The following TENM2 variants were observed in gnomAD, a reference collection of about 807,000 sequenced individuals.
TENM2 encodes teneurin transmembrane protein 2, also known as teneurin-2.
A neutral mutation model predicts 245.2 loss-of-function variants in TENM2; 52 were observed. That is an observed-to-expected ratio of 0.21 (90% CI 0.17 to 0.27). TENM2 has a LOEUF of 0.27. Ranked by LOEUF, TENM2 falls within the 10% of genes least tolerant of loss-of-function variation. TENM2 has a pLI of 1.00. For synonymous variants in TENM2, 1,363 were observed against 1,438.9 expected (o/e 0.95, Z 1.19); for missense variants, 3,046 against 3,666.8 (o/e 0.83, Z 4.37).
In TENM2 at chr5:168,228,889, AT is replaced by A. The variant is rs908667433; in HGVS notation, c.5520+760del. Among the ~76,000 whole-genome samples, 13 of 148,048 alleles carry A rather than the reference AT, an allele frequency of 8.8e-5. No homozygotes were observed. In the Admixed American group the frequency reaches 8.8e-4, roughly 10 times the overall value. On this transcript the variant is annotated intron_variant, in intron 25 of 28. Coordinates refer to ENST00000518659, the Ensembl canonical transcript of TENM2. ...TATAATTATTATATAATGTAATTTT[AT>A]ATTACATTTTTATATTATAATGTAA...
At chr5:167,976,996 TGAGA>T (rs1411377307) in intron 4 of TENM2, among the ~76,000 whole-genome samples, 1 of 152,128 alleles carries the variant, frequency 6.6e-6, no homozygotes, top group Non-Finnish European at 1.5e-5. Context: ...CCATAAAAAA[TGAGA>T]TCATGTCTTT....
At chr5:167,053,367 G>A in the TENM2 span, among the ~76,000 whole-genome samples, 1,024 of 152,226 alleles carry the variant, frequency 6.7e-3, 16 homozygotes, top group African/African-American at 0.023. Context: ...AAGCACTTGC[G>A]TGATATTGGC....
Position 168,196,481 on chromosome 5 carries a change from G to C in TENM2, c.2900+1186G>C, listed in dbSNP as rs572927315. Among the ~76,000 whole-genome samples the C allele has an allele frequency of 2.0e-5, 3 of 152,260 alleles. No individual in the cohort carries two copies. In the East Asian group the frequency reaches 5.8e-4, roughly 29 times the overall value. On this transcript the variant is annotated intron_variant, in intron 15 of 28. Transcript: ENST00000518659. Reference sequence around the variant, plus strand: ...TTTTTGTTTGTTTGTTTGTTTTTGAGACGGAGTCTCACTCTTCTTGCCCAG... The same window carrying C: ...TTTTTGTTTGTTTGTTTGTTTTTGACACGGAGTCTCACTCTTCTTGCCCAG...
chr5:167,924,143 C>T (rs771326620), intron 3 of TENM2, among the ~76,000 whole-genome samples: 12 of 152,182 alleles, frequency 7.9e-5, no homozygotes, highest in Non-Finnish European at 1.5e-4. Context: ...GATCTGGTTG[C>T]ATCGTCTCCC....
intron 2 of TENM2, among the ~76,000 whole-genome samples, chr5:167,470,672 T>C (rs781761239): frequency 1.3e-5 from 2 of 152,004 alleles, no homozygotes; most frequent in Non-Finnish European, 2.9e-5. Context: ...GTTCCTCCTC[T>C]ACTCAATGAT....
At chr5:167,824,597 A>C (rs1404416962) in intron 2 of TENM2, among the ~76,000 whole-genome samples, 2 of 152,172 alleles carry the variant, frequency 1.3e-5, no homozygotes, top group Non-Finnish European at 2.9e-5. Flanking sequence ...TAAAGCTGGC[A>C]CCCAAGGCAT....
At chr5:167,781,200 A>C (rs1229197189) in intron 2 of TENM2, among the ~76,000 whole-genome samples, 1 of 152,088 alleles carries the variant, frequency 6.6e-6, no homozygotes, top group Non-Finnish European at 1.5e-5. Flanking sequence ...AGTTACAGCT[A>C]CTTGGGAGGC....
At chr5:167,619,645 A>G (rs754817287) in intron 2 of TENM2, among the ~76,000 whole-genome samples, 15 of 152,180 alleles carry the variant, frequency 9.9e-5, no homozygotes, top group African/African-American at 3.6e-4. Context: ...TAAATTGTGC[A>G]TTAAAGTGCT....
At chr5:167,092,333 A>G in the TENM2 span, among the ~76,000 whole-genome samples, 1 of 151,154 alleles carries the variant, frequency 6.6e-6, no homozygotes, top group South Asian at 2.1e-4. Flanking sequence ...GAGTGATTGT[A>G]GAGACAGACT....
In TENM2 at chr5:168,145,912, A is replaced by G. The variant is rs1359682785; in HGVS notation, c.2423-16699A>G. ...GTCCTTCACATCCCTTGTAAGTTGG[A>G]TTCCTAGGTATTTTATTCTCTTTGA... On this transcript the variant is annotated intron_variant, in intron 12 of 28. Transcript: ENST00000518659. Among the ~76,000 whole-genome samples, 3 of 139,800 alleles carry G rather than the reference A, an allele frequency of 2.1e-5. No individual in the cohort carries two copies. In the Admixed American group the frequency reaches 2.2e-4, roughly 10 times the overall value. The allele number at this position is 139,800 out of a possible 152,430, so 91.7% of individuals were successfully genotyped here.
chr5:168,023,986 G>A (rs1377893765), intron 5 of TENM2, among the ~76,000 whole-genome samples: 2 of 151,524 alleles, frequency 1.3e-5, no homozygotes, highest in Admixed American at 1.3e-4. Context: ...CATATATAGA[G>A]AGAGATATTT....
the TENM2 span, among the ~76,000 whole-genome samples, chr5:167,220,310 T>C: frequency 2.0e-5 from 3 of 152,240 alleles, no homozygotes; most frequent in Admixed American, 1.3e-4. Context: ...TTGGCACTTA[T>C]AGACACTATG....
chr5:167,067,091 C>T, the TENM2 span, among the ~76,000 whole-genome samples: 1 of 152,072 alleles, frequency 6.6e-6, no homozygotes, highest in East Asian at 1.9e-4. Flanking sequence ...ATGCAATAAA[C>T]AATTATTAGT....
intron 9 of TENM2, among the ~76,000 whole-genome samples, chr5:168,107,903 G>A (rs550795729): frequency 1.3e-5 from 2 of 152,354 alleles, no homozygotes; most frequent in African/African-American, 2.4e-5. Context: ...CAACATCGCA[G>A]CAGTGGCCCC....
chr5:168,234,151 G>A (rs549559429), intron 25 of TENM2, among the ~76,000 whole-genome samples: 22 of 152,124 alleles, frequency 1.4e-4, no homozygotes, highest in South Asian at 8.3e-4. Context: ...TTCACATTGC[G>A]GGGGTGGGGG....
At chr5:167,670,489 C>A (rs1755860858) in intron 2 of TENM2, among the ~76,000 whole-genome samples, 2 of 132,554 alleles carry the variant, frequency 1.5e-5, no homozygotes, top group Non-Finnish European at 3.0e-5. Flanking sequence ...CTCCCCCTCT[C>A]TCTCATCACA....
the TENM2 span, among the ~76,000 whole-genome samples, chr5:167,135,039 C>T: frequency 6.6e-6 from 1 of 152,194 alleles, no homozygotes; most frequent in Non-Finnish European, 1.5e-5. Flanking sequence ...ATTGCATACA[C>T]AGTGTACATT....
intron 1 of TENM2, chr5:167,287,851 G>A (rs1002449242): frequency 2.0e-5 from 3 of 152,264 alleles, no homozygotes; most frequent in Admixed American, 6.5e-5. Flanking sequence ...GCTGACCTTC[G>A]GTCTGTGGCC....
At chr5:167,881,634 A>G (rs768245866) in intron 3 of TENM2, among the ~76,000 whole-genome samples, 10 of 152,134 alleles carry the variant, frequency 6.6e-5, no homozygotes, top group Non-Finnish European at 1.0e-4. Flanking sequence ...AGTCCCTTGG[A>G]TGTCTGGTTC....
Sources: gnomAD v4.1 joint callset for allele counts (sites outside exome capture counted in the v4.1 genomes callset) on GRCh38, gnomAD v4.1.1 for gene constraint, MANE v1.5 for transcripts, NCBI Gene and HGNC (gene_info 2026-07-23, HGNC 2026-07-21) for gene names.